The following CNTNAP2 variants were observed in gnomAD, a reference collection of about 807,000 sequenced individuals.
CNTNAP2 encodes contactin-associated protein-like 2.
CNTNAP2 carries 98 observed loss-of-function variants against 155.2 expected under a neutral mutation model. The observed-to-expected ratio is 0.63, with a 90% CI of 0.54 to 0.75. The LOEUF (loss-of-function observed/expected upper bound fraction) is 0.75, where lower values mean the gene tolerates loss of function less well. CNTNAP2 is among the 30% of genes least tolerant of loss of function. The probability of loss-of-function intolerance (pLI) is 0.00; values close to 1 mark genes in which losing one functional copy is unlikely to be tolerated. For missense variants in CNTNAP2, 1,727 were observed against 1,688.1 expected (o/e 1.02, Z -0.40); for synonymous variants, 651 against 631.2 (o/e 1.03, Z -0.47).
chr7:146,895,035 A>G (rs1379292639), intron 3 of CNTNAP2, among the ~76,000 whole-genome samples: 1 of 152,128 alleles, frequency 6.6e-6, no homozygotes, highest in East Asian at 1.9e-4. Flanking sequence ...ATGGGATCCC[A>G]TCTACAGGGA....
At chr7:146,268,160 T>C (rs892722624) in intron 1 of CNTNAP2, among the ~76,000 whole-genome samples, 2 of 152,170 alleles carry the variant, frequency 1.3e-5, no homozygotes, top group African/African-American at 4.8e-5. Context: ...TGGGAGAACT[T>C]TTAACTTTGC....
chr7:146,798,188 C>T (rs1229687802), intron 2 of CNTNAP2, among the ~76,000 whole-genome samples: 3 of 151,706 alleles, frequency 2.0e-5, no homozygotes, highest in African/African-American at 7.3e-5. Context: ...ACAAGGATCA[C>T]TTGAGCCGGG....
chr7:147,275,797 G>A (rs1347756727), intron 8 of CNTNAP2, among the ~76,000 whole-genome samples: 1 of 151,994 alleles, frequency 6.6e-6, no homozygotes, highest in Non-Finnish European at 1.5e-5. Flanking sequence ...TGTTGGCTGT[G>A]AGTTTGTCAT....
At chr7:146,517,407 G>T (rs1797556735) in intron 1 of CNTNAP2, among the ~76,000 whole-genome samples, 1 of 151,918 alleles carries the variant, frequency 6.6e-6, no homozygotes, top group African/African-American at 2.4e-5. Flanking sequence ...GCTGAAACTT[G>T]AATGACACTT....
At chr7:148,279,562 T>C (rs1330581803) in intron 21 of CNTNAP2, among the ~76,000 whole-genome samples, 4 of 152,204 alleles carry the variant, frequency 2.6e-5, no homozygotes, top group African/African-American at 4.8e-5. Context: ...CATTCAAGGC[T>C]ATTCCATGGA....
At chr7:146,893,630 C>A (rs1371361100) in intron 3 of CNTNAP2, among the ~76,000 whole-genome samples, 1 of 151,980 alleles carries the variant, frequency 6.6e-6, no homozygotes, top group Non-Finnish European at 1.5e-5. Context: ...AGCTTCCGGT[C>A]CTGCAAGAAG....
chr7:147,855,174 G>C (rs1234553144), intron 13 of CNTNAP2, among the ~76,000 whole-genome samples: 1 of 151,970 alleles, frequency 6.6e-6, no homozygotes, highest in African/African-American at 2.4e-5. Flanking sequence ...CCTCTAGTTG[G>C]TGTGTAAAAG....
intron 1 of CNTNAP2, among the ~76,000 whole-genome samples, chr7:146,633,635 G>A (rs1563165126): frequency 1.3e-5 from 2 of 151,722 alleles, no homozygotes; most frequent in African/African-American, 2.4e-5. Context: ...TTAAAAAATA[G>A]ATATAAGGAT....
At chr7:146,755,972 G>A (rs1043376632) in intron 1 of CNTNAP2, among the ~76,000 whole-genome samples, 1 of 151,836 alleles carries the variant, frequency 6.6e-6, no homozygotes, top group Non-Finnish European at 1.5e-5. Flanking sequence ...AATATGAAAC[G>A]AAAGTGGATG....
intron 21 of CNTNAP2, among the ~76,000 whole-genome samples, chr7:148,270,760 A>G (rs769582908): frequency 6.6e-6 from 1 of 152,238 alleles, no homozygotes; most frequent in African/African-American, 2.4e-5. Context: ...ATCATGAAGT[A>G]GAAAGAATGT....
At chr7:147,479,334 A>G (rs969521057) in intron 10 of CNTNAP2, among the ~76,000 whole-genome samples, 6 of 152,214 alleles carry the variant, frequency 3.9e-5, no homozygotes, top group Admixed American at 3.3e-4. Context: ...TTATGTTTGC[A>G]TGAATAAAGA....
intron 1 of CNTNAP2, among the ~76,000 whole-genome samples, chr7:146,676,253 C>A (rs1023255328): frequency 2.0e-5 from 3 of 151,958 alleles, no homozygotes; most frequent in African/African-American, 7.3e-5. Flanking sequence ...CATTCATTGG[C>A]AAATATAGTA....
At chr7:146,224,725 C>T (rs546505057) in intron 1 of CNTNAP2, among the ~76,000 whole-genome samples, 4 of 152,170 alleles carry the variant, frequency 2.6e-5, no homozygotes, top group East Asian at 1.9e-4. Flanking sequence ...GCTGAGATCG[C>T]GCCACTGCAC....
chr7:146,269,244 G>A lies in CNTNAP2; in HGVS notation c.97+152271G>A, dbSNP rs1800042495. 1.3e-5 allele frequency among the ~76,000 whole-genome samples: 2 copies of A among 152,160 alleles called. 1 individual carries two copies. Among genetic ancestry groups the A allele is most frequent in the South Asian group, 4.1e-4 (2 of 4,826 alleles). On this transcript the variant is annotated intron_variant, in intron 1 of 23. Coordinates refer to ENST00000361727, the MANE Select transcript of CNTNAP2 (RefSeq NM_014141.6). The stretch of plus-strand genomic sequence containing the variant: ...GGTCCCAGGCACTTGGGAGGCTGAG[G>A]CAGGGGAATCGCTTGAACCTGGGAG...
intron 1 of CNTNAP2, among the ~76,000 whole-genome samples, chr7:146,345,137 C>T (rs1431558861): frequency 1.3e-5 from 2 of 152,004 alleles, no homozygotes; most frequent in Non-Finnish European, 2.9e-5. Flanking sequence ...GGTGGTTGTA[C>T]TTGATTATTA....
chr7:148,104,917 A>G (rs1313348304), intron 15 of CNTNAP2, among the ~76,000 whole-genome samples: 1 of 152,232 alleles, frequency 6.6e-6, no homozygotes, highest in Non-Finnish European at 1.5e-5. Flanking sequence ...GCAGATGGTC[A>G]TGTCAAGCAA....
intron 19 of CNTNAP2, among the ~76,000 whole-genome samples, chr7:148,229,106 G>A (rs996029501): frequency 6.6e-6 from 1 of 152,140 alleles, no homozygotes; most frequent in African/African-American, 2.4e-5. Flanking sequence ...GTTCACTGTG[G>A]GCAGATTGTA....
chr7:147,943,254 T>C (rs564384484), intron 14 of CNTNAP2, among the ~76,000 whole-genome samples: 1 of 152,312 alleles, frequency 6.6e-6, no homozygotes, highest in South Asian at 2.1e-4. Flanking sequence ...TAACTTTTCA[T>C]GTAACTTTAT....
At chr7:146,827,649 A>C (rs1563248611) in intron 2 of CNTNAP2, among the ~76,000 whole-genome samples, 1 of 152,214 alleles carries the variant, frequency 6.6e-6, no homozygotes, top group Non-Finnish European at 1.5e-5. Flanking sequence ...ACTTTTACTA[A>C]GAATGCATGC....
Sources: gnomAD v4.1 joint callset for allele counts (sites outside exome capture counted in the v4.1 genomes callset) on GRCh38, gnomAD v4.1.1 for gene constraint, MANE v1.5 for transcripts, NCBI Gene and HGNC (gene_info 2026-07-23, HGNC 2026-07-21) for gene names.